IL6: variants seen among roughly 807,000 people sequenced by gnomAD.
IL6 encodes interleukin 6.
Under a neutral mutation model 18.0 loss-of-function variants are expected in IL6, and 5 were observed. That is an observed-to-expected ratio of 0.28 (90% CI 0.15 to 0.58). The LOEUF (loss-of-function observed/expected upper bound fraction) is 0.58. Among genes scored for constraint, IL6 ranks in the 20% least tolerant of loss-of-function variants. The pLI is 0.90. For synonymous variants in IL6, 97 were observed against 95.1 expected (o/e 1.02, Z -0.12); for missense variants, 266 against 251.0 (o/e 1.06, Z -0.40).
chr7:22,728,701 C>G lies in IL6; in HGVS notation c.219C>G (p.Asn73Lys). The G allele has an allele frequency of 1.3e-6, 2 of 1,596,764 alleles. No individual in the cohort carries two copies. The highest frequency in any genetic ancestry group is 4.5e-5 in the East Asian group (2 of 44,778). ...CTGGTATTCTTTCCCAGACATGTAA[C>G]AAGAGTAACATGTGTGAAAGCAGCA... is the stretch of plus-strand genomic sequence containing the variant. ...GISALRKETC[N>K]KSNMCESSKE... Residue 73 changes from asparagine to lysine, a missense_variant, in exon 3 of 5, where the codon AAC becomes AAG. Asn to Lys is a moderately conservative substitution (Grantham distance 94, BLOSUM62 0). Transcript: ENST00000258743.
rs948202198 is a variant in IL6, at chr7:22,730,270, C to T, written c.471+610C>T. On this transcript the variant is annotated intron_variant, in intron 4 of 4. Transcript: ENST00000258743. Reference sequence around the variant, plus strand: ...CTAGAATGAAACCCTTGGTGCTGATCCTGCCTCTGCCATTTCTACTTAAGC... The same window carrying T: ...CTAGAATGAAACCCTTGGTGCTGATTCTGCCTCTGCCATTTCTACTTAAGC... The T allele has an allele frequency of 2.4e-5, 24 of 985,258 alleles. No individual in the cohort carries two copies. The African/African-American group carries it at 3.7e-4, about 15-fold the overall frequency. The allele number at this position is 985,258 out of a possible 1,614,324, so 61.0% of individuals were successfully genotyped here.
intron 4 of IL6, chr7:22,729,885 T>G: frequency 2.1e-6 from 3 of 1,440,692 alleles, no homozygotes; most frequent in Non-Finnish European, 2.7e-6. Context: ...TTAAACTATA[T>G]ATTAACTGAG....
At chr7:22,730,282 A>G (rs1223853865) in intron 4 of IL6, 3 of 985,256 alleles carry the variant, frequency 3.0e-6, no homozygotes, top group African/African-American at 3.5e-5. Context: ...TGCCTCTGCC[A>G]TTTCTACTTA....
chr7:22,728,498 A>G (rs1039119966), intron 2 of IL6, 195 bp from the exon 3 acceptor site: 3 of 567,784 alleles, frequency 5.3e-6, no homozygotes, highest in Non-Finnish European at 9.5e-6. Context: ...TAACACACCT[A>G]AAGTCACAGG....
At chr7:22,728,875 T>G in intron 3 of IL6, 69 bp downstream of exon 3, 4 of 844,930 alleles carry the variant, frequency 4.7e-6, no homozygotes, top group Non-Finnish European at 8.2e-6. Context: ...ATGCAGTGCC[T>G]GTATACATAT....
At chr7:22,731,055 G>A (rs1475533508) in intron 4 of IL6, among the ~76,000 whole-genome samples, 1 of 151,904 alleles carries the variant, frequency 6.6e-6, no homozygotes, top group East Asian at 1.9e-4. Flanking sequence ...GGTCAACATG[G>A]TAAAACCCCA....
At chr7:22,728,937 T>G (rs1455884786) in intron 3 of IL6, 131 bp downstream of exon 3, 1 of 647,904 alleles carries the variant, frequency 1.5e-6, no homozygotes, top group African/African-American at 1.8e-5. Context: ...TTATGTAAAT[T>G]TCATGAGGAG....
intron 4 of IL6, 126 bp from the exon 5 acceptor site, chr7:22,731,280 A>C: frequency 3.2e-6 from 2 of 629,694 alleles, no homozygotes; most frequent in Non-Finnish European, 5.1e-6. Flanking sequence ...CAGAGCAGGC[A>C]CCCCAGTTAA....
intron 1 of IL6, 58 bp downstream of exon 1, chr7:22,727,339 G>A (rs1368356822): frequency 6.2e-7 from 1 of 1,613,972 alleles, no homozygotes. Context: ...CCCTGTGTGA[G>A]GGAGGGGTGT....
chr7:22,729,166 G>A (rs1784074373), intron 3 of IL6, among the ~76,000 whole-genome samples: 2 of 152,148 alleles, frequency 1.3e-5, no homozygotes. Flanking sequence ...ATTCTCCACA[G>A]TGAGATAACC....
Position 22,727,582 on chromosome 7 carries a change from T to G in IL6, c.158T>G (p.Ile53Ser). ...CAGCCACTCACCTCTTCAGAACGAA[T>G]TGACAAACAAATTCGGTACATCCTC... is the stretch of plus-strand genomic sequence containing the variant. ...HRQPLTSSER[I>S]DKQIRYILDG... Residue 53 changes from isoleucine to serine, a missense_variant, in exon 2 of 5, where the codon ATT becomes AGT. Coordinates refer to ENST00000258743, the MANE Select transcript of IL6 (RefSeq NM_000600.5). 6.3e-7 allele frequency: 1 copy of G among 1,587,912 alleles called. No homozygotes were observed. Among genetic ancestry groups the G allele is most frequent in the East Asian group, 2.2e-5 (1 of 44,638 alleles).
In IL6 at chr7:22,729,581, A is replaced by G. The variant is rs770868572; in HGVS notation, c.392A>G (p.Asn131Ser). Residue 131 changes from asparagine (N) to serine (S), a missense_variant, in exon 4 of 5, where the codon AAC (asparagine) becomes AGC (serine). Physicochemically the swap from Asn to Ser is conservative, Grantham distance 46. Coordinates refer to ENST00000258743, the MANE Select transcript of IL6 (RefSeq NM_000600.5). ...EFEVYLEYLQ[N>S]RFESSEEQAR... Reference sequence around the variant, plus strand: ...GAGGTATACCTAGAGTACCTCCAGAACAGATTTGAGAGTAGTGAGGAACAA... The same window carrying G: ...GAGGTATACCTAGAGTACCTCCAGAGCAGATTTGAGAGTAGTGAGGAACAA... 6.2e-7 allele frequency: 1 copy of G among 1,614,146 alleles called. No homozygotes were observed. The highest frequency in any genetic ancestry group is 2.2e-5 in the East Asian group (1 of 44,882).
At chr7:22,728,862 T>C in intron 3 of IL6, 56 bp downstream of exon 3, 1 of 921,916 alleles carries the variant, frequency 1.1e-6, no homozygotes, top group Non-Finnish European at 1.8e-6. Flanking sequence ...TTCTCCCTCT[T>C]GCATGCAGTG....
In IL6 at chr7:22,728,679, G is replaced by T; in HGVS notation, c.211-14G>T. On this transcript the variant is annotated splice_polypyrimidine_tract_variant and intron_variant, in intron 2 of 4. Transcript: ENST00000258743. ...GGACACTTAGGTGATAACAATTCTG[G>T]TATTCTTTCCCAGACATGTAACAAG... The T allele has an allele frequency of 6.8e-7, 1 of 1,476,996 alleles. No individual in the cohort carries two copies. Among genetic ancestry groups the T allele is most frequent in the African/African-American group, 1.4e-5 (1 of 72,314 alleles). 91.5% of individuals were successfully genotyped at this position (1,476,996 alleles called of 1,614,324 possible).
At chr7:22,729,374 C>A in intron 3 of IL6, 140 bp from the exon 4 acceptor site, 1 of 752,616 alleles carries the variant, frequency 1.3e-6, no homozygotes, top group Non-Finnish European at 2.3e-6. Flanking sequence ...TGTCCAATGT[C>A]CCAAAACATG....
At chr7:22,730,276 T>A (rs1301672506) in intron 4 of IL6, 57 of 985,292 alleles carry the variant, frequency 5.8e-5, no homozygotes, top group Non-Finnish European at 2.4e-5. Flanking sequence ...TGATCCTGCC[T>A]CTGCCATTTC....
In IL6 at chr7:22,729,535, A is replaced by T. The variant is rs148171375; in HGVS notation, c.346A>T (p.Ile116Phe). The T allele has an allele frequency of 2.5e-6, 4 of 1,613,954 alleles. No homozygotes were observed. Among genetic ancestry groups the T allele is most frequent in the Non-Finnish European group, 3.4e-6 (4 of 1,179,896 alleles). Residue 116 changes from isoleucine (I) to phenylalanine (F), a missense_variant, in exon 4 of 5, where the codon ATC becomes TTC. By Grantham distance (21) the Ile-to-Phe change is conservative (BLOSUM62 0). Coordinates refer to ENST00000258743, the MANE Select transcript of IL6 (RefSeq NM_000600.5). ...FNEETCLVKI[I>F]TGLLEFEVYL... Reference sequence around the variant, plus strand: ...TTAGGAGACTTGCCTGGTGAAAATCATCACTGGTCTTTTGGAGTTTGAGGT... The same window carrying T: ...TTAGGAGACTTGCCTGGTGAAAATCTTCACTGGTCTTTTGGAGTTTGAGGT...
intron 2 of IL6, 184 bp from the exon 3 acceptor site, chr7:22,728,509 T>G: frequency 1.7e-6 from 1 of 572,434 alleles, no homozygotes; most frequent in Non-Finnish European, 3.1e-6. Context: ...AAGTCACAGG[T>G]GAGCTTGGAA....
chr7:22,730,259 T>A (rs762521592), intron 4 of IL6: 1 of 985,276 alleles, frequency 1.0e-6, no homozygotes, highest in African/African-American at 1.7e-5. Flanking sequence ...AATGAAACCC[T>A]TGGTGCTGAT....
Sources: allele counts gnomAD v4.1 joint callset (sites outside exome capture counted in the v4.1 genomes callset), GRCh38; gene constraint gnomAD v4.1.1; transcripts MANE v1.5; gene names NCBI Gene and HGNC (gene_info 2026-07-23, HGNC 2026-07-21).